Variants in MYH13 observed in about 807,000 individuals in gnomAD.
MYH13 encodes myosin-13.
A neutral mutation model predicts 232.1 loss-of-function variants in MYH13; 177 were observed. The ratio of observed to expected loss-of-function variants is 0.76; its 90% confidence interval spans 0.67 to 0.86. MYH13 has a LOEUF of 0.86. MYH13 is among the 40% of genes least tolerant of loss of function. The pLI is 0.00. For missense variants in MYH13, 2,246 were observed against 2,405.9 expected (o/e 0.93, Z 1.39); for synonymous variants, 884 against 923.5 (o/e 0.96, Z 0.78).
chr17:10,338,234 C>T (rs1299525187), intron 18 of MYH13, among the ~76,000 whole-genome samples: 2 of 58,864 alleles, frequency 3.4e-5, no homozygotes, highest in Non-Finnish European at 8.8e-5. Context: ...TTTTCCAAGA[C>T]CTACTACAAG....
chr17:10,364,897 C>T (rs1055945614), intron 2 of MYH13, among the ~76,000 whole-genome samples: 1 of 151,592 alleles, frequency 6.6e-6, no homozygotes, highest in African/African-American at 2.4e-5. Context: ...TCTTTTGAGA[C>T]AGAGTTTTGC....
chr17:10,311,819 G>T, intron 32 of MYH13, 92 bp downstream of exon 32: 1 of 1,422,856 alleles, frequency 7.0e-7, no homozygotes, highest in Non-Finnish European at 9.7e-7. Context: ...GCAGTGGGAA[G>T]GAGGTGTCTG....
Position 10,350,619 on chromosome 17 carries a change from A to C in MYH13, c.1081T>G (p.Tyr361Asp). Residue 361 changes from tyrosine to aspartate, a missense_variant, in exon 12 of 41, where the codon TAT becomes GAT. By Grantham distance (160) the Tyr-to-Asp change is radical. Transcript: ENST00000252172. ...TTCTGCTTGAACTTCATGTTCCCAT[A>C]ATGCATCACGGCTCCCGTCAGTTTG... Reference protein sequence around the residue: ...IYKLTGAVMHYGNMKFKQKQR... With the variant: ...IYKLTGAVMHDGNMKFKQKQR... The C allele has an allele frequency of 6.2e-7, 1 of 1,613,806 alleles. No individual in the cohort carries two copies. The highest frequency in any genetic ancestry group is 2.2e-5 in the East Asian group (1 of 44,816).
rs1478356154 is a variant in MYH13 at position 10,364,326 on chromosome 17, C to G, written c.204+1G>C. 5 of 1,612,204 alleles carry G rather than the reference C, an allele frequency of 3.1e-6. No individual in the cohort carries two copies. The highest frequency in any genetic ancestry group is 3.3e-5 in the Admixed American group (2 of 59,932). ...CAAAGACATCTGTAATCAACACTCA[C>G]CCGGTCATCGAGGGTCTTGACTATG... On this transcript the variant is annotated splice_donor_variant, in intron 3 of 40. Transcript: ENST00000252172. LOFTEE classifies it high-confidence loss of function.
chr17:10,314,570 C>G (rs934570171), intron 29 of MYH13, among the ~76,000 whole-genome samples: 2 of 152,214 alleles, frequency 1.3e-5, no homozygotes, highest in African/African-American at 4.8e-5. Context: ...TTCCCCTCAT[C>G]TACCAAAGAT....
Position 10,368,296 on chromosome 17 carries a change from T to A in MYH13, c.-13+2913A>T, listed in dbSNP as rs182106303. ...CAAAGTTGTGATTTATAACAAATGC[T>A]GTCAGTTTTTTCCTCGAGACGACAA... On this transcript the variant is annotated intron_variant, in intron 2 of 40. Transcript: ENST00000252172. Among the ~76,000 whole-genome samples, 147 of 152,368 alleles carry A rather than the reference T, an allele frequency of 9.6e-4. 3 individuals are homozygous for A. Among genetic ancestry groups the A allele is most frequent in the Admixed American group, 9.0e-3 (138 of 15,306 alleles).
chr17:10,302,026 T>C (rs1174971654), intron 39 of MYH13, among the ~76,000 whole-genome samples: 4 of 152,090 alleles, frequency 2.6e-5, no homozygotes, highest in African/African-American at 9.7e-5. Flanking sequence ...CACCTGAAGG[T>C]ATAGAGACCA....
intron 37 of MYH13, among the ~76,000 whole-genome samples, chr17:10,305,692 G>C (rs1473617512): frequency 7.9e-5 from 12 of 152,102 alleles, no homozygotes. Context: ...ACCACTAGTG[G>C]AGCCCATTTT....
intron 12 of MYH13, among the ~76,000 whole-genome samples, chr17:10,349,085 T>C (rs758976679): frequency 5.9e-4 from 64 of 108,216 alleles, no homozygotes; most frequent in South Asian, 1.6e-3. Context: ...CTTCTCCCCC[T>C]CTCTCTCTCT....
intron 3 of MYH13, 31 bp from the exon 4 acceptor site, chr17:10,362,534 A>C: frequency 6.2e-7 from 1 of 1,613,866 alleles, no homozygotes; most frequent in Non-Finnish European, 8.5e-7. Flanking sequence ...CAGGTAATAA[A>C]TTGGTGAGCC....
In MYH13 at chr17:10,322,480, G is replaced by C. The variant is rs553536857; in HGVS notation, c.2935-772C>G. Reference sequence around the variant, plus strand: ...AAGCAGGAGGAGGGCACCCAACACGGAACTTGAAGGAAGTAAGTGAAACCT... The same window carrying C: ...AAGCAGGAGGAGGGCACCCAACACGCAACTTGAAGGAAGTAAGTGAAACCT... On this transcript the variant is annotated intron_variant, in intron 23 of 40. Coordinates refer to ENST00000252172, the MANE Select transcript of MYH13 (RefSeq NM_003802.3). 1.6e-3 allele frequency among the ~76,000 whole-genome samples: 244 copies of C among 152,272 alleles called. 1 individual carries two copies. The highest frequency in any genetic ancestry group is 5.7e-3 in the African/African-American group (235 of 41,552).
intron 37 of MYH13, 69 bp from the exon 38 acceptor site, chr17:10,303,567 C>A: frequency 7.4e-7 from 1 of 1,353,646 alleles, no homozygotes; most frequent in Non-Finnish European, 1.1e-6. Flanking sequence ...ACTCATGGGC[C>A]AATCATTCTA....
chr17:10,354,970 T>A lies in MYH13; in HGVS notation c.826A>T (p.Thr276Ser). 6.2e-7 allele frequency: 1 copy of A among 1,610,140 alleles called. No individual in the cohort carries two copies. The highest frequency in any genetic ancestry group is 8.5e-7 in the Non-Finnish European group (1 of 1,176,418). ...ETYLLEKSRV[T>S]FQLSSERSYH... Reference sequence around the variant, plus strand: ...CTTCTCTCACTGGATAATTGAAACGTCACTCTGGATTTTTCTAACAGATCT... The same window carrying A: ...CTTCTCTCACTGGATAATTGAAACGACACTCTGGATTTTTCTAACAGATCT... Residue 276 changes from threonine (T) to serine (S), a missense_variant, in exon 10 of 41, where the codon ACG becomes TCG. By Grantham distance (58) the Thr-to-Ser change is moderately conservative. Transcript: ENST00000252172.
intron 12 of MYH13, 38 bp downstream of exon 12, chr17:10,350,514 CATAG>C (rs2071700370): frequency 6.3e-7 from 1 of 1,598,322 alleles, no homozygotes; most frequent in Admixed American, 1.7e-5. Flanking sequence ...CGCACATGAA[CATAG>C]ATGGACCCAA....
At chr17:10,338,235 C>G (rs1445822076) in intron 18 of MYH13, among the ~76,000 whole-genome samples, 3 of 58,812 alleles carry the variant, frequency 5.1e-5, no homozygotes, top group African/African-American at 9.4e-5. Flanking sequence ...TTTCCAAGAC[C>G]TACTACAAGC....
chr17:10,332,129 G>T lies in MYH13; in HGVS notation c.2268C>A (p.Asp756Glu), dbSNP rs1907428109. 1.2e-6 allele frequency: 2 copies of T among 1,613,992 alleles called. No individual in the cohort carries two copies. The highest frequency in any genetic ancestry group is 1.3e-5 in the African/African-American group (1 of 75,042). The change falls in exon 20 of 41, where the codon GAC becomes GAA. Residue 756 changes from aspartate to glutamate, a missense_variant. Coordinates refer to ENST00000252172, the MANE Select transcript of MYH13 (RefSeq NM_003802.3). Reference sequence around the variant, plus strand: ...TGTTGCCGAACCTGAACTGCTCCCGGTCCACATCGATGGAGTTGAGGAGCT... The same window carrying T: ...TGTTGCCGAACCTGAACTGCTCCCGTTCCACATCGATGGAGTTGAGGAGCT... ...SEKLLNSIDV[D>E]REQFRFGNTK...
intron 8 of MYH13, among the ~76,000 whole-genome samples, chr17:10,357,250 C>T (rs1230330174): frequency 6.6e-6 from 1 of 152,216 alleles, no homozygotes. Context: ...GCGTGAGCCA[C>T]CGCGCCCAGA....
At position 10,350,577 on chromosome 17, in the gene MYH13, C is replaced by A. The variant is rs750399073; in HGVS notation, c.1123G>T (p.Ala375Ser). 1.2e-6 allele frequency: 2 copies of A among 1,613,228 alleles called. No homozygotes were observed. The highest frequency in any genetic ancestry group is 4.5e-5 in the East Asian group (2 of 44,816). The change falls in exon 12 of 41, where the codon GCG becomes TCG. Residue 375 changes from alanine (A) to serine (S), a missense_variant. By Grantham distance (99) the Ala-to-Ser change is moderately conservative. Coordinates refer to ENST00000252172, the MANE Select transcript of MYH13 (RefSeq NM_003802.3). ...TTACCTTCGGTGCCGTCTGGCTCCG[C>A]CTGCTCCTCACGCTGCTTCTGCTTG... ...KFKQKQREEQ[A>S]EPDGTEVADK...
chr17:10,367,673 A>G (rs777567188), intron 2 of MYH13, among the ~76,000 whole-genome samples: 2 of 152,202 alleles, frequency 1.3e-5, no homozygotes, highest in Admixed American at 6.5e-5. Flanking sequence ...AATAAAAATT[A>G]CCATATTTTC....
Sources: allele counts gnomAD v4.1 joint callset (sites outside exome capture counted in the v4.1 genomes callset), GRCh38; gene constraint gnomAD v4.1.1; transcripts MANE v1.5; gene names NCBI Gene and HGNC (gene_info 2026-07-23, HGNC 2026-07-21).